Variants in DNAH12 observed in about 807,000 individuals in gnomAD.
DNAH12 encodes dynein axonemal heavy chain 12.
In DNAH12, 285 loss-of-function variants were observed where a neutral mutation model predicts 371.5. The observed-to-expected ratio is 0.77, with a 90% confidence interval of 0.70 to 0.85. DNAH12 has a LOEUF of 0.85. Ranked by LOEUF, DNAH12 falls within the 40% of genes least tolerant of loss-of-function variation. The pLI is 0.00. For missense variants in DNAH12, 3,611 were observed against 3,689.4 expected, an observed-to-expected ratio of 0.98 and a Z score of 0.55; for synonymous variants, 1,200 against 1,213.0, an observed-to-expected ratio of 0.99 and a Z score of 0.22.
intron 2 of DNAH12, chr3:57,530,639 CTG>C: frequency 1.9e-6 from 1 of 515,066 alleles, no homozygotes; most frequent in South Asian, 2.5e-5. Flanking sequence ...ATTTTCACCA[CTG>C]TCAGTAGAGT....
chr3:57,523,752 A>G, intron 3 of DNAH12, 51 bp downstream of exon 3: 1 of 1,502,198 alleles, frequency 6.7e-7, no homozygotes, highest in Non-Finnish European at 9.0e-7. Context: ...TCTTAACTAC[A>G]AATTAAAATG....
intron 13 of DNAH12, among the ~76,000 whole-genome samples, chr3:57,479,319 A>G (rs2066652372): frequency 6.6e-6 from 1 of 152,154 alleles, no homozygotes; most frequent in African/African-American, 2.4e-5. Flanking sequence ...CAAAAGAGAC[A>G]AAGAAGGCCA....
chr3:57,340,274 G>A (rs568908046), intron 60 of DNAH12, among the ~76,000 whole-genome samples: 1 of 149,230 alleles, frequency 6.7e-6, no homozygotes, highest in South Asian at 2.1e-4. Context: ...AGAAAAGCAA[G>A]AACAAACCAA....
At chr3:57,416,033 C>CTCAAGCACTT (rs2064366019) in intron 37 of DNAH12, among the ~76,000 whole-genome samples, 1 of 152,112 alleles carries the variant, frequency 6.6e-6, no homozygotes, top group Non-Finnish European at 1.5e-5. Flanking sequence ...AGTAATCCAC[C>CTCAAGCACTT]TGCCTTGGCC....
chr3:57,554,910 C>A, the DNAH12 span, among the ~76,000 whole-genome samples: 25 of 152,276 alleles, frequency 1.6e-4, no homozygotes, highest in Non-Finnish European at 2.8e-4. Context: ...AGCCACTGGG[C>A]CCGGCGTCTT....
At chr3:57,294,184 T>TC (rs565153961) in intron 73 of DNAH12, among the ~76,000 whole-genome samples, 58 of 148,788 alleles carry the variant, frequency 3.9e-4, no homozygotes, top group Non-Finnish European at 6.2e-4. Flanking sequence ...TTCTTTTTTT[T>TC]TTTTTTTTTG....
intron 62 of DNAH12, among the ~76,000 whole-genome samples, chr3:57,328,920 GACAA>G (rs1470557269): frequency 3.0e-5 from 4 of 133,096 alleles, no homozygotes; most frequent in Admixed American, 7.7e-5. Flanking sequence ...ACCAATAACA[GACAA>G]ACAGAGAGCC....
chr3:57,471,790 T>C (rs925329449), intron 14 of DNAH12, among the ~76,000 whole-genome samples, 184 bp from the exon 15 acceptor site: 2 of 152,176 alleles, frequency 1.3e-5, no homozygotes, highest in African/African-American at 4.8e-5. Context: ...AAAACATTCC[T>C]AGATCTCCAA....
At chr3:57,358,290 G>A (rs1397694619) in intron 58 of DNAH12, among the ~76,000 whole-genome samples, 1 of 152,138 alleles carries the variant, frequency 6.6e-6, no homozygotes, top group Non-Finnish European at 1.5e-5. Flanking sequence ...TCTACATGTT[G>A]GTTTCTACAT....
At chr3:57,434,588 CATA>C (rs1182138511) in intron 30 of DNAH12, among the ~76,000 whole-genome samples, 6 of 151,860 alleles carry the variant, frequency 4.0e-5, no homozygotes, top group South Asian at 2.1e-4. Flanking sequence ...ATATTCTTGC[CATA>C]ATAATAATAA....
At position 57,427,415 on chromosome 3, in the gene DNAH12, G is replaced by C. The variant is rs569879201; in HGVS notation, c.5253+1218C>G. On this transcript the variant is annotated intron_variant, in intron 34 of 73. Coordinates refer to ENST00000495027, the MANE Select transcript of DNAH12 (RefSeq NM_001366028.2). The stretch of plus-strand genomic sequence containing the variant: ...GGCCATGTGAAGATTGGCCGGATGC[G>C]GTTGCTCATGCCTGTAATCCCAGAA... 3.3e-5 allele frequency among the ~76,000 whole-genome samples: 5 copies of C among 152,122 alleles called. No individual in the cohort carries two copies. The Middle Eastern group carries it at 0.01, about 310-fold the overall frequency.
At chr3:57,328,661 T>A (rs2062010184) in intron 62 of DNAH12, among the ~76,000 whole-genome samples, 2 of 145,578 alleles carry the variant, frequency 1.4e-5, no homozygotes, top group Admixed American at 1.4e-4. Context: ...AAGACAGGGA[T>A]GCCCTCTCTC....
chr3:57,374,783 C>G (rs1273862556), intron 55 of DNAH12, among the ~76,000 whole-genome samples: 4 of 152,030 alleles, frequency 2.6e-5, no homozygotes, highest in Non-Finnish European at 5.9e-5. Context: ...CCAAAAGAAG[C>G]CTTACCCAAT....
intron 25 of DNAH12, among the ~76,000 whole-genome samples, chr3:57,449,184 G>C (rs200882468): frequency 1.2e-4 from 18 of 148,426 alleles, no homozygotes; most frequent in Admixed American, 4.7e-4. Flanking sequence ...CACAAACCTT[G>C]AGCTAAACAC....
chr3:57,443,167 T>C (rs914832798), intron 29 of DNAH12, among the ~76,000 whole-genome samples: 49 of 152,244 alleles, frequency 3.2e-4, no homozygotes, highest in African/African-American at 1.1e-3. Flanking sequence ...TGGAGTGCAA[T>C]GGCGCAATCT....
intron 18 of DNAH12, 101 bp from the exon 19 acceptor site, chr3:57,461,790 A>G (rs2066061856): frequency 1.1e-6 from 1 of 925,366 alleles, no homozygotes; most frequent in Non-Finnish European, 1.6e-6. Context: ...GATGTATTAC[A>G]TTATCATTTC....
chr3:57,308,934 C>T (rs1351256342), intron 69 of DNAH12, among the ~76,000 whole-genome samples: 1 of 151,896 alleles, frequency 6.6e-6, no homozygotes, highest in East Asian at 1.9e-4. Flanking sequence ...ACAATATCAC[C>T]CCTTACCACA....
chr3:57,439,703 T>G (rs2065246033), intron 29 of DNAH12, among the ~76,000 whole-genome samples: 1 of 152,028 alleles, frequency 6.6e-6, no homozygotes, highest in Non-Finnish European at 1.5e-5. Context: ...CTATTTAAAC[T>G]ACAGAGCTTC....
rs1245096323 is a variant in DNAH12, at chr3:57,295,585, G to C, written c.11632C>G (p.Leu3878Val). Reference protein sequence around the residue: ...GARWDRESGLLAEQYPKLLFD... With the variant: ...GARWDRESGLVAEQYPKLLFD... ...AGAAGTTTGGGATATTGTTCAGCAA[G>C]CAATCCACTGTAACGAGAAATTGAC... is the stretch of plus-strand genomic sequence containing the variant. Residue 3878 changes from leucine (L) to valine (V), a missense_variant, in exon 73 of 74, where the codon CTT becomes GTT. Leu to Val is a conservative substitution (Grantham distance 32). Coordinates refer to ENST00000495027, the MANE Select transcript of DNAH12 (RefSeq NM_001366028.2). The C allele has an allele frequency of 6.5e-7, 1 of 1,543,150 alleles. No homozygotes were observed. The highest frequency in any genetic ancestry group is 8.8e-7 in the Non-Finnish European group (1 of 1,142,092).
Sources: gnomAD v4.1 joint callset for allele counts (sites outside exome capture counted in the v4.1 genomes callset) on GRCh38, gnomAD v4.1.1 for gene constraint, MANE v1.5 for transcripts, NCBI Gene and HGNC (gene_info 2026-07-23, HGNC 2026-07-21) for gene names.